Variants in SEC14L1 observed in about 807,000 individuals in gnomAD.
The protein encoded by SEC14L1 is SEC14-like protein 1.
Under a neutral mutation model 85.3 loss-of-function variants are expected in SEC14L1, and 48 were observed. The ratio of observed to expected loss-of-function variants is 0.56; its 90% confidence interval spans 0.45 to 0.72. SEC14L1 has a LOEUF of 0.72. Ranked by LOEUF, SEC14L1 falls within the 30% of genes least tolerant of loss-of-function variation. SEC14L1 has a pLI of 0.00. For missense variants in SEC14L1, 682 were observed against 921.4 expected, an observed-to-expected ratio of 0.74 and a Z score of 3.36; for synonymous variants, 391 against 355.5, an observed-to-expected ratio of 1.10 and a Z score of -1.12.
chr17:77,204,522 C>CCTTTTTTTTTTTTTTTTTTTTTTTTT lies in SEC14L1; in HGVS notation c.1099-754_1099-753insCTTTTTTTTTTTTTTTTTTTTTTTTT, dbSNP rs1555628453. ...GGCTTGAGCCACCCTGCCCAGCCAG[C>CCTTTTTTTTTTTTTTTTTTTTTTTTT]TTTTTTTTTTTTTTTTTTTTTTTTT... On this transcript the variant is annotated intron_variant, in intron 10 of 16. Transcript: ENST00000436233. Among the ~76,000 whole-genome samples the CCTTTTTTTTTTTTTTTTTTTTTTTTT allele has an allele frequency of 4.7e-5, 4 of 84,728 alleles. 2 individuals carry two copies. Among genetic ancestry groups the CCTTTTTTTTTTTTTTTTTTTTTTTTT allele is most frequent in the Non-Finnish European group, 4.8e-5 (2 of 41,888 alleles). The allele number at this position is 84,728 out of a possible 152,430, so 55.6% of individuals were successfully genotyped here.
intron 14 of SEC14L1, chr17:77,210,608 T>A (rs1266977093): frequency 6.6e-6 from 1 of 152,126 alleles, no homozygotes; most frequent in Non-Finnish European, 1.5e-5. Context: ...GGGAATGCTG[T>A]TGCCATGGTT....
At chr17:77,091,176 C>T (rs1971506798) in intron 2 of SEC14L1, among the ~76,000 whole-genome samples, 1 of 152,154 alleles carries the variant, frequency 6.6e-6, no homozygotes, top group South Asian at 2.1e-4. Flanking sequence ...CAACCTCCAC[C>T]TCCCAGATTC....
At chr17:77,195,639 C>T (rs911202862) in intron 7 of SEC14L1, among the ~76,000 whole-genome samples, 4 of 152,046 alleles carry the variant, frequency 2.6e-5, no homozygotes, top group South Asian at 2.1e-4. Context: ...AAGCCTGCAC[C>T]GCCACGCCTG....
chr17:77,191,371 T>C, intron 5 of SEC14L1, 59 bp downstream of exon 5: 1 of 1,589,918 alleles, frequency 6.3e-7, no homozygotes, highest in Non-Finnish European at 8.6e-7. Context: ...CTGAGGATTG[T>C]TTGATCACCA....
chr17:77,193,972 A>C (rs1363269502), intron 6 of SEC14L1, among the ~76,000 whole-genome samples: 1 of 152,140 alleles, frequency 6.6e-6, no homozygotes, highest in Non-Finnish European at 1.5e-5. Context: ...ATCAGTTGTT[A>C]GGGAATTGTG....
intron 3 of SEC14L1, among the ~76,000 whole-genome samples, chr17:77,177,793 C>G (rs1230817481): frequency 6.6e-6 from 1 of 152,102 alleles, no homozygotes; most frequent in Non-Finnish European, 1.5e-5. Flanking sequence ...AGCAGTGGTT[C>G]AAAACTTAGA....
At chr17:77,168,448 G>A (rs1482273143) in intron 3 of SEC14L1, among the ~76,000 whole-genome samples, 3 of 152,120 alleles carry the variant, frequency 2.0e-5, no homozygotes, top group Non-Finnish European at 4.4e-5. Context: ...ATGGATACAG[G>A]GTATGATGCA....
At chr17:77,143,141 A>G (rs928727276) in intron 2 of SEC14L1, among the ~76,000 whole-genome samples, 14 of 152,236 alleles carry the variant, frequency 9.2e-5, no homozygotes, top group Non-Finnish European at 2.1e-4. Context: ...CCCAGAGCTA[A>G]TATCTTAACA....
intron 3 of SEC14L1, among the ~76,000 whole-genome samples, chr17:77,123,971 G>A (rs1025401304): frequency 3.9e-5 from 6 of 152,232 alleles, no homozygotes; most frequent in South Asian, 2.1e-4. Context: ...GCTGTGTTTC[G>A]AAGCCCTGTT....
At chr17:77,197,764 C>T (rs1057397914) in intron 8 of SEC14L1, among the ~76,000 whole-genome samples, 2 of 152,152 alleles carry the variant, frequency 1.3e-5, no homozygotes, top group Non-Finnish European at 2.9e-5. Context: ...GCCACCATTG[C>T]TGGCTAATTT....
chr17:77,102,856 C>CAGT (rs1193668790), intron 3 of SEC14L1, among the ~76,000 whole-genome samples: 3 of 152,096 alleles, frequency 2.0e-5, no homozygotes, highest in Admixed American at 6.6e-5. Flanking sequence ...GGCTGGAGTA[C>CAGT]AGTGGTGTGA....
intron 3 of SEC14L1, among the ~76,000 whole-genome samples, chr17:77,158,592 T>A (rs963597511): frequency 6.6e-6 from 1 of 151,972 alleles, no homozygotes; most frequent in African/African-American, 2.4e-5. Context: ...ATCCATGTTG[T>A]AGCATGTGCA....
At chr17:77,097,753 A>G (rs1175812908) in intron 3 of SEC14L1, among the ~76,000 whole-genome samples, 1 of 152,094 alleles carries the variant, frequency 6.6e-6, no homozygotes, top group African/African-American at 2.4e-5. Flanking sequence ...GTATTGCTGG[A>G]TATGTTAAAA....
intron 9 of SEC14L1, among the ~76,000 whole-genome samples, 166 bp downstream of exon 9, chr17:77,200,839 G>T (rs1976101288): frequency 6.6e-6 from 1 of 152,152 alleles, no homozygotes; most frequent in Admixed American, 6.5e-5. Flanking sequence ...ACTGATACGT[G>T]TCACCACGGG....
chr17:77,134,199 A>G (rs1972710785), intron 3 of SEC14L1, among the ~76,000 whole-genome samples: 1 of 151,796 alleles, frequency 6.6e-6, no homozygotes, highest in Admixed American at 6.6e-5. Flanking sequence ...ATTAGCCCAG[A>G]GAACAGAGAA....
rs559235593 is a variant in SEC14L1, at chr17:77,117,269, C to G, written c.-136+23922C>G. Among the ~76,000 whole-genome samples, 14 of 152,196 alleles carry G rather than the reference C, an allele frequency of 9.2e-5. No individual in the cohort carries two copies. In the East Asian group the frequency reaches 2.7e-3, roughly 29 times the overall value. On this transcript the variant is annotated intron_variant, in intron 3 of 19. Transcript: ENST00000392476. Reference sequence around the variant, plus strand: ...GGCTGAGGAGGGAGAATTGCTTGAACCCGAGAGGTGGAGGTTGCAGTGAGC... The same window carrying G: ...GGCTGAGGAGGGAGAATTGCTTGAAGCCGAGAGGTGGAGGTTGCAGTGAGC...
chr17:77,137,742 G>A (rs950304600), upstream of SEC14L1, among the ~76,000 whole-genome samples: 2 of 152,180 alleles, frequency 1.3e-5, no homozygotes, highest in Non-Finnish European at 2.9e-5. Flanking sequence ...ACCAATACGT[G>A]CTTTCACTGT....
intron 3 of SEC14L1, among the ~76,000 whole-genome samples, chr17:77,188,616 G>A (rs1975380538): frequency 6.6e-6 from 1 of 152,010 alleles, no homozygotes; most frequent in South Asian, 2.1e-4. Context: ...TTGTATATGG[G>A]GTTTTGTGCG....
At chr17:77,212,364 G>T (rs1391098503) in intron 15 of SEC14L1, among the ~76,000 whole-genome samples, 163 bp downstream of exon 15, 1 of 152,184 alleles carries the variant, frequency 6.6e-6, no homozygotes, top group African/African-American at 2.4e-5. Context: ...AGCCAAGTGG[G>T]TCTCGTAGGA....
Sources: allele counts gnomAD v4.1 joint callset (sites outside exome capture counted in the v4.1 genomes callset), GRCh38; gene constraint gnomAD v4.1.1; transcripts MANE v1.5; gene names NCBI Gene and HGNC (gene_info 2026-07-23, HGNC 2026-07-21).